The following PTPRZ1 variants were observed in gnomAD, a reference collection of about 807,000 sequenced individuals.
The protein encoded by PTPRZ1 is protein tyrosine phosphatase receptor type Z1.
A neutral mutation model predicts 214.1 loss-of-function variants in PTPRZ1; 82 were observed. The ratio of observed to expected loss-of-function variants is 0.38; its 90% CI spans 0.32 to 0.46. PTPRZ1 has a LOEUF of 0.46. Ranked by LOEUF, PTPRZ1 falls within the 20% of genes least tolerant of loss-of-function variation. The probability of loss-of-function intolerance (pLI) is 1.00; values close to 1 mark genes in which losing one functional copy is unlikely to be tolerated. For missense variants in PTPRZ1, 2,603 were observed against 2,748.7 expected, an observed-to-expected ratio of 0.95 and a Z score of 1.19; for synonymous variants, 945 against 987.9, an observed-to-expected ratio of 0.96 and a Z score of 0.81.
intron 12 of PTPRZ1, among the ~76,000 whole-genome samples, chr7:122,018,782 A>G (rs1798923155): frequency 6.6e-6 from 1 of 152,176 alleles, no homozygotes; most frequent in South Asian, 2.1e-4. Context: ...TTTCCTGACC[A>G]TTCTATTTTA....
intron 1 of PTPRZ1, among the ~76,000 whole-genome samples, chr7:121,909,583 G>A (rs761879155): frequency 1.3e-5 from 2 of 152,066 alleles, no homozygotes; most frequent in Non-Finnish European, 2.9e-5. Flanking sequence ...AAAAAGTCGA[G>A]TAGAAAGTAT....
intron 8 of PTPRZ1, among the ~76,000 whole-genome samples, chr7:121,984,588 A>G (rs1456122769): frequency 6.6e-6 from 1 of 152,212 alleles, no homozygotes; most frequent in Admixed American, 6.5e-5. Flanking sequence ...TTTGGGTTTT[A>G]AAGTGCTCAT....
At chr7:121,982,362 A>G (rs1797637443) in intron 6 of PTPRZ1, among the ~76,000 whole-genome samples, 1 of 152,110 alleles carries the variant, frequency 6.6e-6, no homozygotes, top group African/African-American at 2.4e-5. Flanking sequence ...AGATTGTCTT[A>G]ACTTTTCTTT....
intron 2 of PTPRZ1, among the ~76,000 whole-genome samples, chr7:121,942,245 C>CA (rs1796257310): frequency 1.3e-5 from 2 of 152,210 alleles, no homozygotes; most frequent in African/African-American, 4.8e-5. Flanking sequence ...AATTGATTGA[C>CA]AATGTTACTG....
At chr7:121,918,100 G>A (rs926613547) in intron 1 of PTPRZ1, among the ~76,000 whole-genome samples, 1 of 151,842 alleles carries the variant, frequency 6.6e-6, no homozygotes, top group Admixed American at 6.6e-5. Flanking sequence ...TCAATATACT[G>A]GGAAAGGAGT....
At chr7:121,980,861 G>T (rs1387534069) in intron 6 of PTPRZ1, among the ~76,000 whole-genome samples, 6 of 152,222 alleles carry the variant, frequency 3.9e-5, no homozygotes, top group Admixed American at 3.9e-4. Context: ...AGAAAGACTA[G>T]GCCGGGCGTG....
At chr7:121,955,486 TTGGTAATAACAAGAC>T (rs1796678484) in intron 2 of PTPRZ1, among the ~76,000 whole-genome samples, 1 of 152,090 alleles carries the variant, frequency 6.6e-6, no homozygotes, top group African/African-American at 2.4e-5. Flanking sequence ...TGCCGTCTCA[TTGGTAATAACAAGAC>T]TGCAGCAACA....
At chr7:122,032,595 A>G (rs952618479) in intron 15 of PTPRZ1, among the ~76,000 whole-genome samples, 1 of 151,398 alleles carries the variant, frequency 6.6e-6, no homozygotes, top group African/African-American at 2.4e-5. Context: ...CACAAAATCC[A>G]CTCTCTCCTG....
At chr7:121,932,390 CTG>C (rs778242289) in intron 2 of PTPRZ1, among the ~76,000 whole-genome samples, 2 of 152,074 alleles carry the variant, frequency 1.3e-5, no homozygotes, top group African/African-American at 2.4e-5. Flanking sequence ...CTTGAAATAA[CTG>C]TATGAAAATA....
At chr7:122,006,438 C>G (rs546036017) in intron 11 of PTPRZ1, among the ~76,000 whole-genome samples, 29 of 152,220 alleles carry the variant, frequency 1.9e-4, no homozygotes, top group South Asian at 8.3e-4. Flanking sequence ...CTATTCTACA[C>G]TCTACTTCTA....
chr7:122,023,242 G>T (rs1799074307), intron 13 of PTPRZ1, among the ~76,000 whole-genome samples: 2 of 151,448 alleles, frequency 1.3e-5, no homozygotes, highest in African/African-American at 4.9e-5. Flanking sequence ...TAAACTTTCA[G>T]AGGAAGCAGA....
intron 11 of PTPRZ1, among the ~76,000 whole-genome samples, chr7:122,009,416 T>C (rs1798580743): frequency 6.6e-6 from 1 of 150,782 alleles, no homozygotes; most frequent in African/African-American, 2.4e-5. Flanking sequence ...TAACAAGCTG[T>C]TGGGTACAAA....
intron 13 of PTPRZ1, among the ~76,000 whole-genome samples, chr7:122,022,342 C>A (rs1422821358): frequency 1.3e-5 from 2 of 152,080 alleles, no homozygotes; most frequent in Non-Finnish European, 2.9e-5. Flanking sequence ...GTATTCAAAT[C>A]CTTTGCTGCC....
At chr7:121,990,389 T>C (rs1280613626) in intron 8 of PTPRZ1, among the ~76,000 whole-genome samples, 1 of 152,236 alleles carries the variant, frequency 6.6e-6, no homozygotes, top group South Asian at 2.1e-4. Context: ...TTTCCATTTG[T>C]ATGGAGAGTG....
chr7:122,049,275 C>T (rs1350820502), intron 23 of PTPRZ1, among the ~76,000 whole-genome samples: 1 of 151,788 alleles, frequency 6.6e-6, no homozygotes, highest in African/African-American at 2.4e-5. Flanking sequence ...TAGTAGATTC[C>T]AGAAAAGATA....
Position 122,033,922 on chromosome 7 carries a change from T to C in PTPRZ1, c.5167-173T>C, listed in dbSNP as rs17144036. On this transcript the variant is annotated intron_variant, in intron 15 of 29. Transcript: ENST00000393386. ...TTAAAGTTCCAAATTATTAGACATT[T>C]TGATTTGCATGCAACTGTTTGAAAC... 811 of 574,566 alleles carry C rather than the reference T, an allele frequency of 1.4e-3. 10 individuals carry two copies. The highest frequency in any genetic ancestry group is 0.014 in the African/African-American group (726 of 52,342). The allele number at this position is 574,566 out of a possible 1,614,324, so 35.6% of individuals were successfully genotyped here.
At chr7:122,014,635 T>C (rs929142862) in intron 12 of PTPRZ1, among the ~76,000 whole-genome samples, 11 of 152,224 alleles carry the variant, frequency 7.2e-5, no homozygotes, top group Middle Eastern at 3.4e-3. Context: ...AGACGGGGTT[T>C]CACCATGTTA....
At chr7:122,018,667 T>G (rs1430418379) in intron 12 of PTPRZ1, among the ~76,000 whole-genome samples, 1 of 152,190 alleles carries the variant, frequency 6.6e-6, no homozygotes, top group Non-Finnish European at 1.5e-5. Flanking sequence ...TTCATGAAAT[T>G]ATTAATTGCT....
At chr7:121,939,502 C>T (rs1415190043) in intron 2 of PTPRZ1, among the ~76,000 whole-genome samples, 1 of 151,884 alleles carries the variant, frequency 6.6e-6, no homozygotes, top group Non-Finnish European at 1.5e-5. Context: ...TTTCCAAGAC[C>T]CTAAAAGTTT....
Sources: allele counts gnomAD v4.1 joint callset (sites outside exome capture counted in the v4.1 genomes callset), GRCh38; gene constraint gnomAD v4.1.1; transcripts MANE v1.5; gene names NCBI Gene and HGNC (gene_info 2026-07-23, HGNC 2026-07-21).